The following ATP11C variants were observed in gnomAD, a reference collection of about 807,000 sequenced individuals.
ATP11C encodes the protein phospholipid-transporting ATPase IG.
Under a neutral mutation model 97.4 loss-of-function variants are expected in ATP11C, and 36 were observed. That is an observed-to-expected ratio of 0.37 (90% CI 0.28 to 0.49). The LOEUF (loss-of-function observed/expected upper bound fraction) is 0.49. Among genes scored for constraint, ATP11C ranks in the 20% least tolerant of loss-of-function variants. The pLI is 0.98. For missense variants in ATP11C, 730 were observed against 824.6 expected (o/e 0.89, Z 1.40); for synonymous variants, 275 against 290.9 (o/e 0.95, Z 0.56).
At position 139,861,691 on chromosome X, in the gene ATP11C, C is replaced by T. The variant is rs183531089; in HGVS notation, c.28-34868G>A. ...CTCAATGGACTGACTCTCAAGCCTGCATACCTAACACAGTATTACACTGTC... is the reference window on the plus strand; with the variant it reads ...CTCAATGGACTGACTCTCAAGCCTGTATACCTAACACAGTATTACACTGTC... On this transcript the variant is annotated intron_variant, in intron 1 of 29. Coordinates refer to ENST00000682941, the MANE Select transcript of ATP11C (RefSeq NM_001353812.2). 5.4e-4 allele frequency among the ~76,000 whole-genome samples: 60 copies of T among 110,490 alleles called. 2 individuals are homozygous for T. The East Asian group carries it at 5.7e-3, about 10-fold the overall frequency.
chrX:139,762,777 T>C (rs1301711117), intron 21 of ATP11C, among the ~76,000 whole-genome samples: 3 of 108,885 alleles, frequency 2.8e-5, no homozygotes. Context: ...TTGTGTTGCC[T>C]AATAGCAACC....
chrX:139,831,608 C>A (rs1195869815), intron 1 of ATP11C, among the ~76,000 whole-genome samples: 1 of 111,472 alleles, frequency 9.0e-6, no homozygotes, highest in African/African-American at 3.3e-5. Flanking sequence ...AACTTCAGGG[C>A]TCAGAAATTG....
intron 12 of ATP11C, among the ~76,000 whole-genome samples, chrX:139,795,698 C>T (rs1409022606): frequency 3.6e-5 from 4 of 111,776 alleles, no homozygotes; most frequent in African/African-American, 1.3e-4. Flanking sequence ...AATAAATGCA[C>T]CTGGGTTAGA....
chrX:139,820,937 T>C (rs985799633), intron 2 of ATP11C, among the ~76,000 whole-genome samples: 2 of 111,477 alleles, frequency 1.8e-5, no homozygotes, highest in African/African-American at 6.5e-5. Flanking sequence ...CCATGTGCGA[T>C]TTAGCATGAA....
intron 11 of ATP11C, 123 bp from the exon 12 acceptor site, chrX:139,796,593 T>C: frequency 2.1e-6 from 1 of 479,876 alleles, no homozygotes; most frequent in Non-Finnish European, 3.5e-6. Context: ...GCTATAAAGA[T>C]GGAACTTCCT....
At chrX:139,871,255 C>CTGGA (rs1214728806) in intron 1 of ATP11C, among the ~76,000 whole-genome samples, 1 of 105,584 alleles carries the variant, frequency 9.5e-6, no homozygotes, top group Non-Finnish European at 1.9e-5. Flanking sequence ...TCTGCCCAGG[C>CTGGA]TGGAGTGCAG....
intron 5 of ATP11C, among the ~76,000 whole-genome samples, chrX:139,809,456 T>C (rs1386880173): frequency 8.9e-6 from 1 of 111,747 alleles, no homozygotes; most frequent in Non-Finnish European, 1.9e-5. Flanking sequence ...ACATAAAGTA[T>C]TGAGGATAGG....
At chrX:139,787,295 T>A (rs878929445) in intron 14 of ATP11C, 51 bp from the exon 15 acceptor site, 1 of 1,021,757 alleles carries the variant, frequency 9.8e-7, no homozygotes. Flanking sequence ...AATGATTAAT[T>A]TTTTTATTAT....
chrX:139,873,965 C>G (rs2084421800), intron 1 of ATP11C, among the ~76,000 whole-genome samples: 2 of 108,952 alleles, frequency 1.8e-5, no homozygotes, highest in Non-Finnish European at 3.8e-5. Flanking sequence ...TACTCCTAAG[C>G]AGCTATGTAA....
intron 28 of ATP11C, among the ~76,000 whole-genome samples, chrX:139,735,929 T>A (rs2081433753): frequency 9.0e-6 from 1 of 111,645 alleles, no homozygotes; most frequent in Non-Finnish European, 1.9e-5. Flanking sequence ...TGTTTATTGG[T>A]TCAACAAGGG....
intron 1 of ATP11C, among the ~76,000 whole-genome samples, chrX:139,916,491 T>C (rs1023547494): frequency 1.8e-5 from 2 of 110,641 alleles, no homozygotes; most frequent in Admixed American, 9.7e-5. Flanking sequence ...CCAAATACAG[T>C]ATGCAAATGT....
intron 1 of ATP11C, among the ~76,000 whole-genome samples, chrX:139,898,198 G>A (rs1321571641): frequency 4.5e-5 from 5 of 111,251 alleles, no homozygotes; most frequent in Non-Finnish European, 9.4e-5. Context: ...CTAAGGCAAT[G>A]TTCTTTTTCA....
At chrX:139,935,215 A>G (rs73243399), upstream of ATP11C, among the ~76,000 whole-genome samples, 361 of 112,163 alleles carry the variant, frequency 3.2e-3, 3 homozygotes, top group Middle Eastern at 0.014. Flanking sequence ...GCTCTCATAC[A>G]TACCCATTGT....
At chrX:139,832,076 A>G in intron 1 of ATP11C, 1 of 984,758 alleles carries the variant, frequency 1.0e-6, no homozygotes, top group Non-Finnish European at 1.4e-6. Flanking sequence ...TGCAAATAAA[A>G]AGCAGGAATA....
chrX:139,752,090 C>T (rs2081830971), intron 23 of ATP11C, among the ~76,000 whole-genome samples: 1 of 111,688 alleles, frequency 9.0e-6, no homozygotes, highest in East Asian at 2.8e-4. Flanking sequence ...ACCTGGTACA[C>T]TTTTCCTTTA....
rs766744388 is a variant in ATP11C at position 139,783,221 on chromosome X, G to A, written c.1713C>T (p.Pro571=). The A allele has an allele frequency of 4.1e-6, 5 of 1,205,813 alleles. No homozygotes were observed. The East Asian group carries it at 1.5e-4, about 36-fold the overall frequency. The stretch of plus-strand genomic sequence containing the variant: ...ACTCAATTTCATGATTTTGCACTCT[G>A]GGAAAAACTGCCGAGTCTGCTCCTT... ...FCKGADSAVF[P]RVQNHEIELT... is the part of the protein sequence containing the mutation. The change falls in exon 17 of 30, where the codon CCC becomes CCT. Residue 571 remains proline, a synonymous_variant. Coordinates refer to ENST00000682941, the MANE Select transcript of ATP11C (RefSeq NM_001353812.2).
chrX:139,808,122 G>A (rs1207938379), intron 5 of ATP11C, among the ~76,000 whole-genome samples: 1 of 111,391 alleles, frequency 9.0e-6, no homozygotes, highest in Admixed American at 9.6e-5. Flanking sequence ...CCTTCAACTA[G>A]TGGACTGGGT....
chrX:139,759,227 T>C (rs2081992074), intron 22 of ATP11C, among the ~76,000 whole-genome samples: 1 of 111,544 alleles, frequency 9.0e-6, no homozygotes, highest in African/African-American at 3.3e-5. Flanking sequence ...GTAAGTCTCA[T>C]GAGAAAAGGG....
At position 139,832,206 on chromosome X, in the gene ATP11C, T is replaced by C. The variant is rs370095982; in HGVS notation, c.28-5383A>G. The C allele has an allele frequency of 1.1e-4, 128 of 1,207,225 alleles. No individual in the cohort carries two copies. The East Asian group carries it at 3.5e-3, about 33-fold the overall frequency. On this transcript the variant is annotated intron_variant, in intron 1 of 29. Transcript: ENST00000682941. The stretch of plus-strand genomic sequence containing the variant: ...CATCTGCATACTGACATGCAGAAAT[T>C]TGGCAACACAATGGCAGCTAAATCT...
Sources: gnomAD v4.1 joint callset for allele counts (sites outside exome capture counted in the v4.1 genomes callset) on GRCh38, gnomAD v4.1.1 for gene constraint, MANE v1.5 for transcripts, NCBI Gene and HGNC (gene_info 2026-07-23, HGNC 2026-07-21) for gene names.